HUNK: variants seen among roughly 807,000 people sequenced by gnomAD.
The protein encoded by HUNK is hormonally up-regulated Neu-associated kinase, also known as hormonally up-regulated neu tumor-associated kinase.
A neutral mutation model predicts 61.0 loss-of-function variants in HUNK; 21 were observed. That is an observed-to-expected ratio of 0.34 (90% CI 0.24 to 0.50). The LOEUF (loss-of-function observed/expected upper bound fraction) is 0.50, where lower values mean the gene tolerates loss of function less well. HUNK is among the 20% of genes least tolerant of loss of function. HUNK has a pLI of 0.98. For missense variants in HUNK, 772 were observed against 945.7 expected (o/e 0.82, Z 2.41); for synonymous variants, 371 against 386.1 (o/e 0.96, Z 0.46).
intron 7 of HUNK, among the ~76,000 whole-genome samples, chr21:31,980,071 GTTTA>G (rs1329014314): frequency 4.1e-5 from 6 of 145,418 alleles, no homozygotes; most frequent in Non-Finnish European, 7.8e-5. Flanking sequence ...TTGTTTGTTT[GTTTA>G]TTTATTTATT....
At chr21:31,933,300 A>G (rs2052710939) in intron 2 of HUNK, among the ~76,000 whole-genome samples, 1 of 152,136 alleles carries the variant, frequency 6.6e-6, no homozygotes, top group Admixed American at 6.5e-5. Flanking sequence ...AAGAAAAAGC[A>G]ACTTCCCATC....
At position 32,002,543 on chromosome 21, in the gene HUNK, A is replaced by G. The variant is rs923252577; in HGVS notation, c.*3359A>G. 6.6e-6 allele frequency: 1 copy of G among 152,260 alleles called. No homozygotes were observed. Among genetic ancestry groups the G allele is most frequent in the Non-Finnish European group, 1.5e-5 (1 of 68,046 alleles). 9.4% of individuals were successfully genotyped at this position (152,260 alleles called of 1,614,324 possible). Reference sequence around the variant, plus strand: ...ACACACTGCAGGTGGCAGTTCAAGAAGAATCAACCTTTTTCATTTGGGGAT... The same window carrying G: ...ACACACTGCAGGTGGCAGTTCAAGAGGAATCAACCTTTTTCATTTGGGGAT... On this transcript the variant is annotated 3_prime_UTR_variant, in exon 11 of 11. Transcript: ENST00000270112.
intron 7 of HUNK, among the ~76,000 whole-genome samples, chr21:31,979,737 A>C (rs34534478): frequency 6.6e-5 from 10 of 151,264 alleles, no homozygotes; most frequent in East Asian, 2.0e-4. Flanking sequence ...GGATGGTCTC[A>C]ATCTCCTGAC....
intron 1 of HUNK, among the ~76,000 whole-genome samples, chr21:31,916,345 C>T (rs1462644351): frequency 1.3e-5 from 2 of 151,906 alleles, no homozygotes; most frequent in South Asian, 4.2e-4. Context: ...CCATTGCGCC[C>T]GGCCCTAAGT....
chr21:31,996,861 A>G (rs979268998), intron 10 of HUNK, among the ~76,000 whole-genome samples: 2 of 152,162 alleles, frequency 1.3e-5, no homozygotes, highest in East Asian at 1.9e-4. Context: ...CACTGTACCC[A>G]CTTTGCCCAA....
At chr21:31,974,412 T>C in intron 6 of HUNK, 143 bp from the exon 7 acceptor site, 1 of 745,700 alleles carries the variant, frequency 1.3e-6, no homozygotes, top group Non-Finnish European at 2.1e-6. Context: ...TCCGCTTTTC[T>C]GAATACGAGA....
At chr21:31,899,150 T>G (rs2052446010) in intron 1 of HUNK, among the ~76,000 whole-genome samples, 1 of 152,196 alleles carries the variant, frequency 6.6e-6, no homozygotes, top group African/African-American at 2.4e-5. Flanking sequence ...GCACTGATTT[T>G]ACTTAGATCT....
At chr21:31,944,294 G>GT (rs1210439059) in intron 3 of HUNK, among the ~76,000 whole-genome samples, 2 of 152,258 alleles carry the variant, frequency 1.3e-5, no homozygotes, top group Non-Finnish European at 2.9e-5. Context: ...GCCCAGGGTG[G>GT]TTTTGAACTA....
At chr21:31,902,201 G>A (rs1353843496) in intron 1 of HUNK, among the ~76,000 whole-genome samples, 2 of 152,104 alleles carry the variant, frequency 1.3e-5, no homozygotes, top group Non-Finnish European at 2.9e-5. Flanking sequence ...GAAACTTTTG[G>A]TTCACACAGA....
chr21:31,991,339 C>A (rs1272003535), intron 9 of HUNK, among the ~76,000 whole-genome samples: 2 of 152,100 alleles, frequency 1.3e-5, no homozygotes, highest in Non-Finnish European at 2.9e-5. Context: ...CTGTCTCAAC[C>A]TCTCAAGTAC....
chr21:31,892,570 A>G (rs78791761), intron 1 of HUNK, among the ~76,000 whole-genome samples: 7 of 18,210 alleles, frequency 3.8e-4, no homozygotes, highest in East Asian at 2.3e-3. Flanking sequence ...ACTCTCTCTG[A>G]AAAAAAAAAA....
chr21:31,998,702 A>G lies in HUNK; in HGVS notation c.1663A>G (p.Met555Val). The change falls in exon 11 of 11, where the codon ATG becomes GTG. Residue 555 changes from methionine to valine, a missense_variant. Met to Val is a conservative substitution (Grantham distance 21). This residue lies in a region of HUNK where 413 missense variants were observed against 444.4 expected (regional missense o/e 0.93). Transcript: ENST00000270112. Reference protein sequence around the residue: ...TGIPHKEDPLMLDMVRSFESV... With the variant: ...TGIPHKEDPLVLDMVRSFESV... ...CATCCCCCACAAGGAAGACCCCCTG[A>G]TGCTGGACATGGTGCGCTCCTTCGA... 6.2e-7 allele frequency: 1 copy of G among 1,614,102 alleles called. No individual in the cohort carries two copies. Among genetic ancestry groups the G allele is most frequent in the South Asian group, 1.1e-5 (1 of 91,066 alleles).
intron 1 of HUNK, among the ~76,000 whole-genome samples, chr21:31,909,090 C>T (rs2052528346): frequency 6.6e-6 from 1 of 152,136 alleles, no homozygotes; most frequent in African/African-American, 2.4e-5. Flanking sequence ...GGCAGCACTC[C>T]GGAGGGACTG....
At chr21:31,888,467 G>GT in intron 1 of HUNK, among the ~76,000 whole-genome samples, 2 of 82 alleles carry the variant, frequency 0.024, 1 homozygote, top group South Asian at 0.5. Flanking sequence ...GCTGGACGCA[G>GT]TGCTCACGCC....
rs748171279 is a variant in HUNK, at chr21:31,998,541, G to A, written c.1502G>A (p.Arg501His). The A allele has an allele frequency of 1.4e-5, 22 of 1,591,628 alleles. No individual in the cohort carries two copies. The highest frequency in any genetic ancestry group is 6.7e-5 in the East Asian group (3 of 44,684). Residue 501 changes from arginine to histidine, a missense_variant, in exon 11 of 11, where the codon CGC (arginine) becomes CAC (histidine). By Grantham distance (29) the Arg-to-His change is conservative (BLOSUM62 0). Around this residue, in one of 2 missense-constraint regions of HUNK, gnomAD observed 413 missense variants for 444.4 expected, o/e 0.93. Coordinates refer to ENST00000270112, the MANE Select transcript of HUNK (RefSeq NM_014586.2). ...SFPDKDSFGC[R>H]NIFRKTSDSN... is the part of the protein sequence containing the mutation. ...TGGTGTGCAGATTCCTTTGGCTGCC[G>A]CAATATTTTCCGCAAAACCTCAGAT...
At chr21:31,995,704 AAG>A (rs753947436) in intron 9 of HUNK, 62 bp from the exon 10 acceptor site, 70 of 1,339,370 alleles carry the variant, frequency 5.2e-5, no homozygotes, top group Non-Finnish European at 6.5e-5. Context: ...TGACTTTTCA[AAG>A]AGGAATCCCA....
At position 31,998,904 on chromosome 21, in the gene HUNK, T is replaced by A. The variant is rs2053226085; in HGVS notation, c.1865T>A (p.Phe622Tyr). 1.2e-6 allele frequency: 2 copies of A among 1,614,108 alleles called. No individual in the cohort carries two copies. The highest frequency in any genetic ancestry group is 1.1e-5 in the South Asian group (1 of 91,094). ...CCTTTGCATCCAACTCTGGTCTCTT[T>A]TGCTCACGAAGATAAGAACAGCCCC... is the stretch of plus-strand genomic sequence containing the variant. ...HTPLHPTLVS[F>Y]AHEDKNSPPK... The change falls in exon 11 of 11, where the codon TTT becomes TAT. Residue 622 changes from phenylalanine (F) to tyrosine (Y), a missense_variant. Physicochemically the swap from Phe to Tyr is conservative, Grantham distance 22 (BLOSUM62 3). This residue lies in a region of HUNK where 413 missense variants were observed against 444.4 expected (regional missense o/e 0.93). Coordinates refer to ENST00000270112, the MANE Select transcript of HUNK (RefSeq NM_014586.2).
intron 1 of HUNK, among the ~76,000 whole-genome samples, chr21:31,906,057 C>G (rs2052503284): frequency 6.6e-6 from 1 of 152,112 alleles, no homozygotes; most frequent in Admixed American, 6.5e-5. Flanking sequence ...CTGCCATGCA[C>G]TGGCTTGCTT....
At chr21:31,955,741 G>A (rs2052885324) in intron 4 of HUNK, among the ~76,000 whole-genome samples, 1 of 152,234 alleles carries the variant, frequency 6.6e-6, no homozygotes, top group Non-Finnish European at 1.5e-5. Flanking sequence ...AATTAGAACT[G>A]TTGCACCCGT....
Sources: gnomAD v4.1 joint callset for allele counts (sites outside exome capture counted in the v4.1 genomes callset) on GRCh38, gnomAD v4.1.1 for gene constraint, gnomAD v4.1.1 regional missense constraint, MANE v1.5 for transcripts, NCBI Gene and HGNC (gene_info 2026-07-23, HGNC 2026-07-21) for gene names.